The following MAGI1 variants were observed in gnomAD, a reference collection of about 807,000 sequenced individuals.
MAGI1 encodes membrane-associated guanylate kinase, WW and PDZ domain-containing protein 1.
Under a neutral mutation model 139.9 loss-of-function variants are expected in MAGI1, and 58 were observed. The ratio of observed to expected loss-of-function variants is 0.41; its 90% CI spans 0.34 to 0.52. The LOEUF (loss-of-function observed/expected upper bound fraction) is 0.52. MAGI1 is among the 20% of genes least tolerant of loss of function. The pLI is 0.12. For missense variants in MAGI1, 1,874 were observed against 1,901.6 expected (o/e 0.99, Z 0.27); for synonymous variants, 812 against 737.9 (o/e 1.10, Z -1.63).
chr3:65,453,251 C>T lies in MAGI1; in HGVS notation c.1042+7G>A. 6.2e-7 allele frequency: 1 copy of T among 1,613,610 alleles called. No homozygotes were observed. Among genetic ancestry groups the T allele is most frequent in the Non-Finnish European group, 8.5e-7 (1 of 1,179,780 alleles). ...TCACTTAACCCAAGACCTGCCTGGC[C>T]CCTTACCATCATCTTCACACTCTTC... On this transcript the variant is annotated splice_region_variant and intron_variant, in intron 6 of 22. Transcript: ENST00000402939.
At chr3:65,460,685 G>A (rs1444558649) in intron 5 of MAGI1, among the ~76,000 whole-genome samples, 2 of 149,632 alleles carry the variant, frequency 1.3e-5, no homozygotes. Flanking sequence ...TCCTAATGCT[G>A]TGCCTCCCCT....
intron 1 of MAGI1, among the ~76,000 whole-genome samples, chr3:65,853,490 TCTAA>T (rs1463477176): frequency 6.6e-6 from 1 of 152,146 alleles, no homozygotes; most frequent in East Asian, 1.9e-4. Flanking sequence ...ATATCAAAAG[TCTAA>T]AATGCATACC....
rs150498650 is a variant in MAGI1, at chr3:65,790,438, C to T, written c.314-168350G>A. 2.7e-3 allele frequency among the ~76,000 whole-genome samples: 416 copies of T among 152,300 alleles called. 4 individuals are homozygous for T. The highest frequency in any genetic ancestry group is 4.7e-3 in the Non-Finnish European group (319 of 68,018). On this transcript the variant is annotated intron_variant, in intron 1 of 22. Transcript: ENST00000402939. ...AAATCTTTTATTAACCTAGACTCCA[C>T]AAGTTTTTAATCCAACCCCTTTGAA...
intron 1 of MAGI1, among the ~76,000 whole-genome samples, chr3:65,878,322 G>A (rs778052518): frequency 1.1e-4 from 16 of 152,076 alleles, no homozygotes; most frequent in Non-Finnish European, 2.4e-4. Flanking sequence ...TTCAAGACCA[G>A]CCTGGCCAAT....
At chr3:65,439,161 G>A (rs1344066718) in intron 9 of MAGI1, among the ~76,000 whole-genome samples, 1 of 151,912 alleles carries the variant, frequency 6.6e-6, no homozygotes, top group Non-Finnish European at 1.5e-5. Context: ...TTCATGAAAT[G>A]GAATATTACG....
intron 1 of MAGI1, among the ~76,000 whole-genome samples, chr3:65,828,105 C>T (rs1407200641): frequency 6.6e-6 from 1 of 152,200 alleles, no homozygotes; most frequent in Non-Finnish European, 1.5e-5. Flanking sequence ...GCTTTCTTGG[C>T]ATTGGAGAAG....
At chr3:65,950,078 C>CAAAAAAAAAAAAAAAAAAAA (rs751496271) in intron 1 of MAGI1, among the ~76,000 whole-genome samples, 1 of 40,334 alleles carries the variant, frequency 2.5e-5, no homozygotes. Flanking sequence ...AAAAAAAAAA[C>CAAAAAAAAAAAAAAAAAAAA]AAAAAAAAAA....
At chr3:65,805,736 A>G (rs1575564257) in intron 1 of MAGI1, among the ~76,000 whole-genome samples, 1 of 152,192 alleles carries the variant, frequency 6.6e-6, no homozygotes, top group Non-Finnish European at 1.5e-5. Context: ...GCACATATAC[A>G]CCGTGGAATA....
At chr3:65,731,299 TCA>T (rs1486967494) in intron 1 of MAGI1, among the ~76,000 whole-genome samples, 1 of 152,076 alleles carries the variant, frequency 6.6e-6, no homozygotes, top group Non-Finnish European at 1.5e-5. Flanking sequence ...AAAAACACCA[TCA>T]CACAGTCCAC....
chr3:65,359,194 A>C, intron 22 of MAGI1: 1 of 1,606,520 alleles, frequency 6.2e-7, no homozygotes, highest in South Asian at 1.1e-5. Flanking sequence ...GTCAGAGAGA[A>C]GGAGAAAGAG....
chr3:65,996,548 G>T (rs1189391455), intron 1 of MAGI1, among the ~76,000 whole-genome samples: 1 of 151,846 alleles, frequency 6.6e-6, no homozygotes, highest in Non-Finnish European at 1.5e-5. Context: ...TAAGGGGGGG[G>T]GGGGGGAAGC....
intron 1 of MAGI1, among the ~76,000 whole-genome samples, chr3:65,878,630 G>A (rs1395303774): frequency 6.6e-6 from 1 of 151,700 alleles, no homozygotes; most frequent in Admixed American, 6.6e-5. Flanking sequence ...CCCAATATTA[G>A]AAGGAAGAAA....
chr3:65,949,457 T>A (rs1219698870), intron 1 of MAGI1, among the ~76,000 whole-genome samples: 3 of 152,242 alleles, frequency 2.0e-5, no homozygotes, highest in African/African-American at 7.2e-5. Context: ...CTTGACCAAG[T>A]TTACTGCTTC....
intron 1 of MAGI1, among the ~76,000 whole-genome samples, chr3:65,665,222 A>C (rs2086436781): frequency 1.3e-5 from 2 of 152,222 alleles, no homozygotes; most frequent in Non-Finnish European, 2.9e-5. Context: ...TCATTCAGGC[A>C]TGAGTTACAG....
chr3:65,543,127 TTA>T lies in MAGI1; in HGVS notation c.431-49498_431-49497del, dbSNP rs1187786300. ...ACAGACACTTCTCAAAAGAAGACAT[TTA>T]TGTGGCCAAGAAACATGAAAAAAAG... On this transcript the variant is annotated intron_variant, in intron 2 of 22. Coordinates refer to ENST00000402939, the MANE Select transcript of MAGI1 (RefSeq NM_001033057.2). 2.0e-5 allele frequency among the ~76,000 whole-genome samples: 3 copies of T among 151,614 alleles called. No individual in the cohort carries two copies. The East Asian group carries it at 5.8e-4, about 29-fold the overall frequency.
At chr3:65,606,382 C>T (rs925748987) in intron 2 of MAGI1, among the ~76,000 whole-genome samples, 6 of 151,978 alleles carry the variant, frequency 3.9e-5, no homozygotes, top group Admixed American at 3.9e-4. Context: ...GCTCTGTCAC[C>T]CAGGCAGGAG....
At chr3:65,508,746 G>A (rs1278742448) in intron 2 of MAGI1, among the ~76,000 whole-genome samples, 1 of 152,060 alleles carries the variant, frequency 6.6e-6, no homozygotes, top group African/African-American at 2.4e-5. Context: ...CCTTTGTTGT[G>A]ACATATAAAT....
chr3:65,630,144 CA>C (rs1193892369), intron 1 of MAGI1, among the ~76,000 whole-genome samples: 1 of 152,170 alleles, frequency 6.6e-6, no homozygotes, highest in Non-Finnish European at 1.5e-5. Context: ...TGGGGAGTTT[CA>C]TTCACTAATT....
intron 1 of MAGI1, among the ~76,000 whole-genome samples, chr3:65,836,540 G>A (rs2042812684): frequency 6.6e-6 from 1 of 152,118 alleles, no homozygotes; most frequent in Non-Finnish European, 1.5e-5. Flanking sequence ...AGGGAAAGAG[G>A]CCGGGCGCGG....
Sources: gnomAD v4.1 joint callset for allele counts (sites outside exome capture counted in the v4.1 genomes callset) on GRCh38, gnomAD v4.1.1 for gene constraint, MANE v1.5 for transcripts, NCBI Gene and HGNC (gene_info 2026-07-23, HGNC 2026-07-21) for gene names.